Variants in TMC7 observed in about 807,000 individuals in gnomAD.
TMC7 encodes the protein transmembrane channel like 7.
Under a neutral mutation model 82.9 loss-of-function variants are expected in TMC7, and 54 were observed. The observed-to-expected ratio is 0.65, with a 90% confidence interval of 0.52 to 0.82. The LOEUF is 0.82. Among genes scored for constraint, TMC7 ranks in the 40% least tolerant of loss-of-function variants. TMC7 has a pLI of 0.00. For missense variants in TMC7, 820 were observed against 901.2 expected (o/e 0.91, Z 1.15); for synonymous variants, 350 against 337.9 (o/e 1.04, Z -0.39).
chr16:19,056,804 T>C, intron 14 of TMC7, 107 bp downstream of exon 14: 2 of 1,271,196 alleles, frequency 1.6e-6, no homozygotes, highest in Non-Finnish European at 1.1e-6. Context: ...ACTGAGCTTC[T>C]TTGAACTGCA....
intron 11 of TMC7, 130 bp downstream of exon 11, chr16:19,045,568 G>A: frequency 1.7e-6 from 1 of 602,342 alleles, no homozygotes; most frequent in Non-Finnish European, 3.0e-6. Flanking sequence ...TACAGCCCTG[G>A]AAATCTGACA....
intron 3 of TMC7, among the ~76,000 whole-genome samples, chr16:19,018,881 G>A (rs769765251): frequency 9.2e-5 from 14 of 151,880 alleles, no homozygotes; most frequent in African/African-American, 3.1e-4. Flanking sequence ...ACAAAGTTTC[G>A]CTCTTGTTGC....
chr16:19,043,499 A>G (rs1961117205), intron 9 of TMC7, among the ~76,000 whole-genome samples: 2 of 152,214 alleles, frequency 1.3e-5, no homozygotes, highest in African/African-American at 4.8e-5. Flanking sequence ...CATCACCAGC[A>G]TCCATCTCCA....
intron 13 of TMC7, among the ~76,000 whole-genome samples, chr16:19,052,192 A>G (rs1961570863): frequency 6.6e-6 from 1 of 152,050 alleles, no homozygotes; most frequent in Non-Finnish European, 1.5e-5. Context: ...TTGGCCTCCC[A>G]AAGTACTCGG....
chr16:19,034,996 T>A (rs954258057), intron 6 of TMC7, among the ~76,000 whole-genome samples: 2 of 152,220 alleles, frequency 1.3e-5, no homozygotes, highest in African/African-American at 4.8e-5. Context: ...ACAGTGCTAT[T>A]CACAATAGCA....
At chr16:19,009,482 G>A in intron 2 of TMC7, 67 bp downstream of exon 2, 2 of 1,524,276 alleles carry the variant, frequency 1.3e-6, no homozygotes, top group Non-Finnish European at 8.8e-7. Flanking sequence ...TTTTGTGCGT[G>A]AAATGCATTT....
At chr16:19,022,574 A>C (rs987204185) in intron 4 of TMC7, among the ~76,000 whole-genome samples, 1 of 152,212 alleles carries the variant, frequency 6.6e-6, no homozygotes, top group Non-Finnish European at 1.5e-5. Context: ...AGGCCATACC[A>C]TACAGCCTAG....
intron 3 of TMC7, among the ~76,000 whole-genome samples, chr16:19,017,070 A>AG (rs2142197124): frequency 6.6e-6 from 1 of 152,152 alleles, no homozygotes; most frequent in Admixed American, 6.5e-5. Context: ...CTGTAATCCC[A>AG]GCTATTTGGG....
rs773066225 is a variant in TMC7 at position 19,061,794 on chromosome 16, G to A, written c.2123G>A (p.Cys708Tyr). The part of the protein sequence containing the change: ...EQLSLESRDK[C>Y]YLIQKLTEAQ... ...ATTTTTTAGGAAAGTCGTGACAAGT[G>A]CTACCTAATCCAGAAACTAACAGAA... Residue 708 changes from cysteine to tyrosine, a missense_variant, in exon 16 of 16, where the codon TGC (cysteine) becomes TAC (tyrosine). Cys to Tyr is a radical substitution (Grantham distance 194). Transcript: ENST00000304381. 1.9e-6 allele frequency: 3 copies of A among 1,613,838 alleles called. No individual in the cohort carries two copies. Among genetic ancestry groups the A allele is most frequent in the Non-Finnish European group, 2.5e-6 (3 of 1,179,880 alleles).
chr16:19,039,791 A>G (rs909427939), intron 8 of TMC7, among the ~76,000 whole-genome samples: 1 of 152,058 alleles, frequency 6.6e-6, no homozygotes, highest in African/African-American at 2.4e-5. Context: ...CTTCCTGCAC[A>G]GTACTAGATA....
Position 18,994,329 on chromosome 16 carries a change from G to A in TMC7, c.67+10199G>A, listed in dbSNP as rs189748259. Among the ~76,000 whole-genome samples the A allele has an allele frequency of 5.9e-5, 9 of 152,124 alleles. No individual in the cohort carries two copies. The East Asian group carries it at 1.7e-3, about 29-fold the overall frequency. Reference sequence around the variant, plus strand: ...CCACATGCAGACATGAGGGCTATGCGAAAACAGTAAGGTCAAGTTGTTTGG... The same window carrying A: ...CCACATGCAGACATGAGGGCTATGCAAAAACAGTAAGGTCAAGTTGTTTGG... On this transcript the variant is annotated intron_variant, in intron 1 of 15. Coordinates refer to ENST00000304381, the MANE Select transcript of TMC7 (RefSeq NM_024847.4).
chr16:19,035,623 G>A (rs947748724), intron 6 of TMC7, 53 bp from the exon 7 acceptor site: 1 of 1,609,242 alleles, frequency 6.2e-7, no homozygotes, highest in South Asian at 1.1e-5. Context: ...CAATTCAGGG[G>A]ACTCTCTTTT....
At chr16:19,057,946 G>A in intron 14 of TMC7, among the ~76,000 whole-genome samples, 1 of 100,562 alleles carries the variant, frequency 9.9e-6, no homozygotes. Flanking sequence ...GCCAGCAGTT[G>A]ATTTTTTTTT....
At chr16:19,005,626 C>T (rs2039225991) in intron 1 of TMC7, among the ~76,000 whole-genome samples, 1 of 152,218 alleles carries the variant, frequency 6.6e-6, no homozygotes. Context: ...CAGGCTCCAG[C>T]CTGGGGCCCC....
At chr16:19,036,439 C>T (rs1391524574) in intron 7 of TMC7, among the ~76,000 whole-genome samples, 1 of 151,954 alleles carries the variant, frequency 6.6e-6, no homozygotes, top group African/African-American at 2.4e-5. Context: ...AACCGGGAGG[C>T]AGAGGTTGCA....
At chr16:19,024,583 A>G (rs1257369490) in intron 5 of TMC7, among the ~76,000 whole-genome samples, 8 of 151,854 alleles carry the variant, frequency 5.3e-5, no homozygotes, top group Non-Finnish European at 1.5e-5. Context: ...TTTTAGAGAT[A>G]GGATCATGCT....
intron 13 of TMC7, 31 bp downstream of exon 13, chr16:19,051,847 C>T: frequency 1.9e-6 from 3 of 1,611,636 alleles, no homozygotes; most frequent in Non-Finnish European, 2.5e-6. Context: ...TAGAACATTT[C>T]ATTGCTTCTT....
intron 5 of TMC7, 87 bp downstream of exon 5, chr16:19,023,282 T>C (rs773709547): frequency 9.8e-6 from 8 of 819,834 alleles, no homozygotes; most frequent in Non-Finnish European, 1.2e-5. Context: ...ATTTCTGCAG[T>C]GAGAGCTAAA....
chr16:19,037,893 G>A lies in TMC7; in HGVS notation c.1025G>A (p.Arg342Lys). Residue 342 changes from arginine to lysine, a missense_variant, in exon 8 of 16, where the codon AGA (arginine) becomes AAA (lysine). Arg to Lys is a conservative substitution (Grantham distance 26). This residue lies in a region of TMC7 where 650 missense variants were observed against 669.9 expected (regional missense o/e 0.97). Transcript: ENST00000304381. ...YELRADLEEERMRQKIAERTS... is the reference protein window; with the variant it reads ...YELRADLEEEKMRQKIAERTS... ...CTTCAGGCAGATCTGGAGGAAGAAA[G>A]AATGCGGCAGAAAATAGCAGAAAGG... The A allele has an allele frequency of 6.2e-7, 1 of 1,613,326 alleles. No individual in the cohort carries two copies. The highest frequency in any genetic ancestry group is 8.5e-7 in the Non-Finnish European group (1 of 1,179,814).
Sources: allele counts gnomAD v4.1 joint callset (sites outside exome capture counted in the v4.1 genomes callset), GRCh38; gene constraint gnomAD v4.1.1; regional missense constraint gnomAD v4.1.1; transcripts MANE v1.5; gene names NCBI Gene and HGNC (gene_info 2026-07-23, HGNC 2026-07-21).